NEGR1: variants seen among roughly 807,000 people sequenced by gnomAD.
NEGR1 encodes the protein neuronal growth regulator 1.
In NEGR1, 10 loss-of-function variants were observed where a neutral mutation model predicts 40.9. The ratio of observed to expected loss-of-function variants is 0.24; its 90% CI spans 0.15 to 0.42. The LOEUF (loss-of-function observed/expected upper bound fraction) is 0.42. NEGR1 is among the 10% of genes least tolerant of loss of function. The pLI is 1.00. For synonymous variants in NEGR1, 185 were observed against 166.8 expected (o/e 1.11, Z -0.84); for missense variants, 352 against 438.9 (o/e 0.80, Z 1.77).
At chr1:71,991,380 C>T (rs1027777618) in intron 1 of NEGR1, among the ~76,000 whole-genome samples, 4 of 152,154 alleles carry the variant, frequency 2.6e-5, no homozygotes, top group African/African-American at 9.7e-5. Context: ...TCAACCACTA[C>T]TCCCTCCCAC....
intron 6 of NEGR1, among the ~76,000 whole-genome samples, chr1:71,484,001 T>G (rs945332470): frequency 1.3e-5 from 2 of 151,746 alleles, no homozygotes; most frequent in African/African-American, 4.8e-5. Flanking sequence ...AAATAACTGG[T>G]ATGCCCTTGA....
intron 5 of NEGR1, among the ~76,000 whole-genome samples, chr1:71,602,115 G>T (rs1649940045): frequency 1.3e-5 from 2 of 151,698 alleles, no homozygotes; most frequent in Admixed American, 1.3e-4. Context: ...TTTCCCTAAG[G>T]TGCCTTTCTA....
intron 6 of NEGR1, among the ~76,000 whole-genome samples, chr1:71,584,351 A>G (rs1649231978): frequency 6.6e-6 from 1 of 152,078 alleles, no homozygotes; most frequent in Non-Finnish European, 1.5e-5. Flanking sequence ...TTTTACCTTT[A>G]TCTGGAACAT....
chr1:72,139,044 A>C (rs1177386220), intron 1 of NEGR1, among the ~76,000 whole-genome samples: 1 of 151,948 alleles, frequency 6.6e-6, no homozygotes, highest in Non-Finnish European at 1.5e-5. Flanking sequence ...AAATAAAGAA[A>C]GATATTTGAA....
At chr1:71,729,113 G>A (rs372773724) in intron 3 of NEGR1, among the ~76,000 whole-genome samples, 10 of 151,938 alleles carry the variant, frequency 6.6e-5, no homozygotes, top group Admixed American at 5.2e-4. Context: ...AAGCATACTG[G>A]CCTCCTTTCC....
At chr1:72,229,808 CAAGT>C (rs1654303171) in intron 1 of NEGR1, among the ~76,000 whole-genome samples, 1 of 152,028 alleles carries the variant, frequency 6.6e-6, no homozygotes. Context: ...TCTGTTCCAA[CAAGT>C]AATTAAAATT....
At chr1:71,689,099 T>G (rs375129087) in intron 4 of NEGR1, among the ~76,000 whole-genome samples, 1 of 152,348 alleles carries the variant, frequency 6.6e-6, no homozygotes, top group South Asian at 2.1e-4. Flanking sequence ...ACTGTACTTA[T>G]TCTTCACATG....
intron 1 of NEGR1, among the ~76,000 whole-genome samples, chr1:72,163,264 G>T (rs1319023149): frequency 2.0e-5 from 3 of 152,024 alleles, no homozygotes; most frequent in Non-Finnish European, 4.4e-5. Flanking sequence ...CATCAATTTA[G>T]TAAGTGATAA....
In NEGR1 at chr1:71,992,314, G is replaced by A. The variant is rs1229102205; in HGVS notation, c.177-57003C>T. 2.0e-5 allele frequency among the ~76,000 whole-genome samples: 3 copies of A among 151,960 alleles called. No homozygotes were observed. In the South Asian group the frequency reaches 6.2e-4, roughly 32 times the overall value. ...TTAAAGAAGAATTTATATACACATT[G>A]CTACAAGATTACAAATATTGCAGCA... On this transcript the variant is annotated intron_variant, in intron 1 of 6. Transcript: ENST00000357731.
chr1:71,558,913 T>A (rs1570030314), intron 6 of NEGR1, among the ~76,000 whole-genome samples: 1 of 150,346 alleles, frequency 6.7e-6, no homozygotes, highest in East Asian at 2.0e-4. Context: ...GGGGTGTCAG[T>A]GCTTCTAGAC....
At chr1:71,975,522 T>C (rs768987779) in intron 1 of NEGR1, among the ~76,000 whole-genome samples, 1 of 152,244 alleles carries the variant, frequency 6.6e-6, no homozygotes, top group Non-Finnish European at 1.5e-5. Context: ...TAGAAATCTG[T>C]AGCATTTTAA....
At chr1:72,121,701 C>G (rs183263864) in intron 1 of NEGR1, among the ~76,000 whole-genome samples, 2 of 152,050 alleles carry the variant, frequency 1.3e-5, no homozygotes, top group Admixed American at 1.3e-4. Flanking sequence ...TCTGTAAGAA[C>G]TGTAAGAAAA....
chr1:71,878,345 C>G (rs1660490528), intron 2 of NEGR1, among the ~76,000 whole-genome samples: 1 of 152,002 alleles, frequency 6.6e-6, no homozygotes. Flanking sequence ...TTAGAATCAC[C>G]TGAAGGGCCT....
chr1:71,868,498 A>G, intron 2 of NEGR1, among the ~76,000 whole-genome samples: 1 of 152,060 alleles, frequency 6.6e-6, no homozygotes, highest in Non-Finnish European at 1.5e-5. Flanking sequence ...ATACATACAT[A>G]CATACATACA....
At chr1:71,728,487 C>G (rs934141862) in intron 3 of NEGR1, among the ~76,000 whole-genome samples, 1 of 152,086 alleles carries the variant, frequency 6.6e-6, no homozygotes, top group South Asian at 2.1e-4. Flanking sequence ...CAGACTTACC[C>G]CATTAGAACA....
At chr1:71,873,981 C>G (rs1474293147) in intron 2 of NEGR1, among the ~76,000 whole-genome samples, 1 of 152,130 alleles carries the variant, frequency 6.6e-6, no homozygotes, top group African/African-American at 2.4e-5. Context: ...TCAAAGGATG[C>G]TCTGATTTTG....
chr1:72,259,580 T>A (rs1314808085), intron 1 of NEGR1, among the ~76,000 whole-genome samples: 7 of 152,126 alleles, frequency 4.6e-5, no homozygotes, highest in Admixed American at 3.9e-4. Flanking sequence ...TTTTTCCATC[T>A]GTAATTAGAG....
chr1:72,275,315 T>C (rs1490431873), intron 1 of NEGR1, among the ~76,000 whole-genome samples: 2 of 152,084 alleles, frequency 1.3e-5, no homozygotes, highest in Admixed American at 6.6e-5. Flanking sequence ...TTGATAATGA[T>C]TATGACTGTA....
intron 2 of NEGR1, among the ~76,000 whole-genome samples, chr1:71,904,639 T>C (rs1017792335): frequency 6.6e-6 from 1 of 152,108 alleles, no homozygotes; most frequent in African/African-American, 2.4e-5. Context: ...AAATTCAAAC[T>C]AGAATTTGCA....
Sources: allele counts gnomAD v4.1 joint callset (sites outside exome capture counted in the v4.1 genomes callset), GRCh38; gene constraint gnomAD v4.1.1; transcripts MANE v1.5; gene names NCBI Gene and HGNC (gene_info 2026-07-23, HGNC 2026-07-21).